The following TRIM23 variants were observed in gnomAD, a reference collection of about 807,000 sequenced individuals.
TRIM23 encodes the protein tripartite motif containing 23, also known as E3 ubiquitin-protein ligase TRIM23.
TRIM23 carries 27 observed loss-of-function variants against 71.0 expected under a neutral mutation model. That is an observed-to-expected ratio of 0.38 (90% CI 0.28 to 0.52). The LOEUF (loss-of-function observed/expected upper bound fraction) is 0.52, where lower values mean the gene tolerates loss of function less well. Among genes scored for constraint, TRIM23 ranks in the 20% least tolerant of loss-of-function variants. The probability of loss-of-function intolerance (pLI) is 0.84; values close to 1 mark genes in which losing one functional copy is unlikely to be tolerated. For synonymous variants in TRIM23, 234 were observed against 238.0 expected (o/e 0.98, Z 0.16); for missense variants, 482 against 692.3 (o/e 0.70, Z 3.41).
At chr5:65,598,068 T>C (rs1754256091) in intron 7 of TRIM23, among the ~76,000 whole-genome samples, 1 of 152,222 alleles carries the variant, frequency 6.6e-6, no homozygotes, top group Admixed American at 6.5e-5. Context: ...CATTTTTGGA[T>C]GTTCCTTCTA....
intron 2 of TRIM23, 132 bp downstream of exon 2, chr5:65,617,960 AG>A (rs1211377608): frequency 1.1e-6 from 1 of 946,038 alleles, no homozygotes. Context: ...TGACCTTAAT[AG>A]AAACTTAGGC....
At position 65,611,006 on chromosome 5, in the gene TRIM23, G is replaced by A. The variant is rs558691684; in HGVS notation, c.683C>T (p.Ala228Val). The A allele has an allele frequency of 6.2e-7, 1 of 1,613,128 alleles. No homozygotes were observed. Among genetic ancestry groups the A allele is most frequent in the East Asian group, 2.2e-5 (1 of 44,836 alleles). Residue 228 changes from alanine to valine, a missense_variant, in exon 5 of 11, where the codon GCA becomes GTA. Around this residue, in one of 2 missense-constraint regions of TRIM23, gnomAD observed 307 missense variants for 495.8 expected, o/e 0.62. Coordinates refer to ENST00000231524, the MANE Select transcript of TRIM23 (RefSeq NM_001656.4). ...GCAGTGAGCCATATCTAAAATTGAT[G>A]CTCGGATCTGATTAGCTTCTGGTTC... Reference protein sequence around the residue: ...VLEPEANQIRASILDMAHCIR... With the variant: ...VLEPEANQIRVSILDMAHCIR...
At chr5:65,609,150 C>A in intron 6 of TRIM23, 93 bp downstream of exon 6, 1 of 1,288,778 alleles carries the variant, frequency 7.8e-7, no homozygotes, top group South Asian at 1.4e-5. Context: ...ATACAGCAGA[C>A]ACAAAATATT....
chr5:65,600,390 C>A lies in TRIM23; in HGVS notation c.1180-3210G>T, dbSNP rs917629621. ...AGGAATAGGGTCACATGATCTTCAA[C>A]AAGGGTGCAGGACCACTCAATGAAA... On this transcript the variant is annotated intron_variant, in intron 7 of 10. Transcript: ENST00000231524. 4.6e-5 allele frequency among the ~76,000 whole-genome samples: 7 copies of A among 152,102 alleles called. 1 individual carries two copies. The highest frequency in any genetic ancestry group is 4.6e-4 in the Admixed American group (7 of 15,278).
chr5:65,612,697 T>A (rs916816235), intron 3 of TRIM23, among the ~76,000 whole-genome samples: 1 of 152,098 alleles, frequency 6.6e-6, no homozygotes, highest in African/African-American at 2.4e-5. Flanking sequence ...TACATGCCTC[T>A]AATACCAGCT....
chr5:65,612,208 A>T (rs1202403974), intron 3 of TRIM23, among the ~76,000 whole-genome samples: 1 of 152,196 alleles, frequency 6.6e-6, no homozygotes, highest in African/African-American at 2.4e-5. Context: ...AACCATAGAG[A>T]AGTCAAAAGT....
In TRIM23 at chr5:65,590,877, A is replaced by G; in HGVS notation, c.*892T>C. On this transcript the variant is annotated 3_prime_UTR_variant, in exon 11 of 11. Transcript: ENST00000231524. ...ATTTAGGTCACTAGCTTTTAAATAA[A>G]GCCAACCCTGGTTCTGCGTTACTTA... is the stretch of plus-strand genomic sequence containing the variant. The G allele has an allele frequency of 1.0e-6, 1 of 985,556 alleles. No homozygotes were observed. Among genetic ancestry groups the G allele is most frequent in the Non-Finnish European group, 1.2e-6 (1 of 830,052 alleles). The allele number at this position is 985,556 out of a possible 1,614,324, so 61.1% of individuals were successfully genotyped here.
chr5:65,618,910 T>C (rs185518606), intron 1 of TRIM23, among the ~76,000 whole-genome samples: 11 of 152,326 alleles, frequency 7.2e-5, no homozygotes. Flanking sequence ...TGCACAAGGC[T>C]ACACAGTCAG....
intron 7 of TRIM23, among the ~76,000 whole-genome samples, chr5:65,599,131 C>A (rs924901034): frequency 6.6e-6 from 1 of 152,054 alleles, no homozygotes; most frequent in Non-Finnish European, 1.5e-5. Context: ...AAAATTATAT[C>A]TCTTCACAGA....
intron 9 of TRIM23, among the ~76,000 whole-genome samples, chr5:65,595,339 C>T (rs531923067): frequency 3.3e-5 from 5 of 152,022 alleles, no homozygotes; most frequent in Non-Finnish European, 4.4e-5. Flanking sequence ...GGGCGGATCA[C>T]GAGGTCAGGA....
intron 1 of TRIM23, among the ~76,000 whole-genome samples, chr5:65,620,323 C>T (rs1207864918): frequency 6.6e-6 from 1 of 152,012 alleles, no homozygotes; most frequent in Non-Finnish European, 1.5e-5. Flanking sequence ...ATCCTACAAG[C>T]ATACTAGACA....
Position 65,596,436 on chromosome 5 carries a change from A to G in TRIM23, c.1405T>C (p.Tyr469His). The change falls in exon 9 of 11, where the codon TAC (tyrosine) becomes CAC (histidine). Residue 469 changes from tyrosine to histidine, a missense_variant. Around this residue, in one of 2 missense-constraint regions of TRIM23, gnomAD observed 307 missense variants for 495.8 expected, o/e 0.62. Transcript: ENST00000231524. Reference sequence around the variant, plus strand: ...TAACTCTCACCTTGAGTATTGAGGTAATAATGTTTCCACAATGGTCTTAAT... The same window carrying G: ...TAACTCTCACCTTGAGTATTGAGGTGATAATGTTTCCACAATGGTCTTAAT... ...HKLRPLWKHY[Y>H]LNTQAVVFVV... 6.3e-7 allele frequency: 1 copy of G among 1,599,784 alleles called. No individual in the cohort carries two copies. Among genetic ancestry groups the G allele is most frequent in the Non-Finnish European group, 8.6e-7 (1 of 1,168,098 alleles).
chr5:65,618,034 T>C, intron 2 of TRIM23, 59 bp downstream of exon 2: 60 of 1,453,634 alleles, frequency 4.1e-5, no homozygotes, highest in Non-Finnish European at 5.4e-5. Context: ...TTGTTTCCTA[T>C]GACATTTGCA....
In TRIM23 at chr5:65,591,645, TTATA is replaced by T. The variant is rs10644434; in HGVS notation, c.*120_*123del. 910 of 713,740 alleles carry T rather than the reference TTATA, an allele frequency of 1.3e-3. 2 individuals carry two copies. Among genetic ancestry groups the T allele is most frequent in the Middle Eastern group, 5.3e-3 (10 of 1,874 alleles). The allele number at this position is 713,740 out of a possible 1,614,324, so 44.2% of individuals were successfully genotyped here. A position where few individuals can be genotyped will look rare whatever the true frequency, so the allele number is the denominator to read the frequency against. On this transcript the variant is annotated 3_prime_UTR_variant, in exon 11 of 11. Transcript: ENST00000231524. Reference sequence around the variant, plus strand: ...ACTGAATTCCCAATCCAAGATTCCTTTATATATATATATATATATATGCATCCTA... The same window carrying T: ...ACTGAATTCCCAATCCAAGATTCCTTTATATATATATATATATGCATCCTA...
chr5:65,595,986 T>C (rs1191359074), intron 9 of TRIM23, among the ~76,000 whole-genome samples: 1 of 152,200 alleles, frequency 6.6e-6, no homozygotes, highest in African/African-American at 2.4e-5. Flanking sequence ...CTTCTGCAGG[T>C]AATAACTATT....
At chr5:65,605,099 A>T (rs537115243) in intron 6 of TRIM23, 54 bp from the exon 7 acceptor site, 3 of 1,491,502 alleles carry the variant, frequency 2.0e-6, no homozygotes, top group Non-Finnish European at 2.7e-6. Flanking sequence ...AATAAGGAAA[A>T]GAGACTTATA....
At position 65,591,181 on chromosome 5, in the gene TRIM23, AG is replaced by A. The variant is rs1208758448; in HGVS notation, c.*587del. On this transcript the variant is annotated 3_prime_UTR_variant, in exon 11 of 11. Coordinates refer to ENST00000231524, the MANE Select transcript of TRIM23 (RefSeq NM_001656.4). The stretch of plus-strand genomic sequence containing the variant: ...AGAAAGTTAATAAAACACTATATAA[AG>A]TATTAATTTTCTGTACCTTATAGTT... 1 of 1,123,864 alleles carries A rather than the reference AG, an allele frequency of 8.9e-7. No individual in the cohort carries two copies. Among genetic ancestry groups the A allele is most frequent in the Admixed American group, 5.4e-5 (1 of 18,584 alleles). 69.6% of individuals were successfully genotyped at this position (1,123,864 alleles called of 1,614,324 possible).
Position 65,591,882 on chromosome 5 carries a change from C to T in TRIM23, c.1612G>A (p.Gly538Ser), listed in dbSNP as rs756121939. Residue 538 changes from glycine to serine, a missense_variant, in exon 11 of 11, where the codon GGC becomes AGC. Physicochemically the swap from Gly to Ser is moderately conservative, Grantham distance 56. This residue lies in a region of TRIM23 where 307 missense variants were observed against 495.8 expected (regional missense o/e 0.62). Coordinates refer to ENST00000231524, the MANE Select transcript of TRIM23 (RefSeq NM_001656.4). ...ELLSLHKLCCGRSWYIQGCDA... is the reference protein window; with the variant it reads ...ELLSLHKLCCSRSWYIQGCDA... ...CAGCCCTGAATATACCAGCTACGGC[C>T]ACAGCATAATTTATGGAGACTGAGT... The T allele has an allele frequency of 1.2e-6, 2 of 1,613,896 alleles. No homozygotes were observed. Among genetic ancestry groups the T allele is most frequent in the Non-Finnish European group, 1.7e-6 (2 of 1,179,932 alleles).
intron 9 of TRIM23, among the ~76,000 whole-genome samples, chr5:65,595,392 C>T (rs1162927658): frequency 6.6e-6 from 1 of 151,842 alleles, no homozygotes; most frequent in Non-Finnish European, 1.5e-5. Context: ...CCCGTCTCTA[C>T]TAAAAATACA....
Sources: gnomAD v4.1 joint callset for allele counts (sites outside exome capture counted in the v4.1 genomes callset) on GRCh38, gnomAD v4.1.1 for gene constraint, gnomAD v4.1.1 regional missense constraint, MANE v1.5 for transcripts, NCBI Gene and HGNC (gene_info 2026-07-23, HGNC 2026-07-21) for gene names.